The following DNM3 variants were observed in gnomAD, a reference collection of about 807,000 sequenced individuals.
DNM3 encodes dynamin 3, also known as dynamin-3.
A neutral mutation model predicts 101.6 loss-of-function variants in DNM3; 47 were observed. That is an observed-to-expected ratio of 0.46 (90% confidence interval 0.37 to 0.59). DNM3 has a LOEUF of 0.59. DNM3 is among the 20% of genes least tolerant of loss of function. DNM3 has a pLI of 0.00. For missense variants in DNM3, 849 were observed against 1,085.7 expected, an observed-to-expected ratio of 0.78 and a Z score of 3.06; for synonymous variants, 385 against 387.9, an observed-to-expected ratio of 0.99 and a Z score of 0.09.
intron 1 of DNM3, chr1:171,864,526 A>C (rs1424745452): frequency 6.6e-6 from 1 of 152,258 alleles, no homozygotes; most frequent in African/African-American, 2.4e-5. Flanking sequence ...CCAGTTGTCT[A>C]TAGAACAGAC....
intron 14 of DNM3, among the ~76,000 whole-genome samples, chr1:172,185,060 C>T (rs527331861): frequency 6.1e-4 from 93 of 152,156 alleles, no homozygotes; most frequent in African/African-American, 2.1e-3. Context: ...CACATAGGGG[C>T]AGCTCCTCTC....
At chr1:172,243,630 A>T (rs999755473) in intron 14 of DNM3, among the ~76,000 whole-genome samples, 1 of 152,178 alleles carries the variant, frequency 6.6e-6, no homozygotes, top group African/African-American at 2.4e-5. Context: ...CAGTGGTCTA[A>T]AGACCGTGGA....
intron 17 of DNM3, among the ~76,000 whole-genome samples, chr1:172,326,918 T>A (rs1174941233): frequency 6.6e-6 from 1 of 152,034 alleles, no homozygotes; most frequent in Non-Finnish European, 1.5e-5. Context: ...AAAAAAGAAA[T>A]TTATAATCAC....
intron 14 of DNM3, among the ~76,000 whole-genome samples, chr1:172,158,562 TG>T (rs2058430098): frequency 6.6e-6 from 1 of 151,604 alleles, no homozygotes; most frequent in Non-Finnish European, 1.5e-5. Context: ...GTGAGATGGA[TG>T]ATGGAGGCCT....
At chr1:172,194,497 G>T (rs1010891183) in intron 14 of DNM3, among the ~76,000 whole-genome samples, 1 of 152,086 alleles carries the variant, frequency 6.6e-6, no homozygotes, top group Non-Finnish European at 1.5e-5. Flanking sequence ...GGGAGTCTAA[G>T]TCTCTTTTTA....
In DNM3 at chr1:172,044,530, C is replaced by T. The variant is rs111742249; in HGVS notation, c.1196+78C>T. ...AATGTTTATAAATGGCTAGGAAACT[C>T]GTCTTTTCATCATTGAATAGGGTAG... is the stretch of plus-strand genomic sequence containing the variant. On this transcript the variant is annotated intron_variant, in intron 9 of 20. Transcript: ENST00000627582. 47 of 1,237,988 alleles carry T rather than the reference C, an allele frequency of 3.8e-5. 1 individual carries two copies. The African/African-American group carries it at 3.9e-4, about 10-fold the overall frequency. The allele number at this position is 1,237,988 out of a possible 1,614,324, so 76.7% of individuals were successfully genotyped here.
chr1:172,332,817 C>T (rs377398686), intron 17 of DNM3, among the ~76,000 whole-genome samples: 1 of 152,190 alleles, frequency 6.6e-6, no homozygotes, highest in East Asian at 1.9e-4. Context: ...ACAGGAAGTA[C>T]AATCCTGCTA....
At chr1:172,051,030 T>C (rs2050171125) in intron 10 of DNM3, among the ~76,000 whole-genome samples, 1 of 152,188 alleles carries the variant, frequency 6.6e-6, no homozygotes, top group Non-Finnish European at 1.5e-5. Flanking sequence ...TGGATTGGTC[T>C]TCTATACATT....
At chr1:171,887,562 A>G (rs1354145271) in intron 1 of DNM3, among the ~76,000 whole-genome samples, 1 of 152,166 alleles carries the variant, frequency 6.6e-6, no homozygotes, top group African/African-American at 2.4e-5. Context: ...AAATAACTCC[A>G]TTCTTTATAG....
intron 14 of DNM3, among the ~76,000 whole-genome samples, chr1:172,156,721 T>C (rs2058353570): frequency 6.6e-6 from 1 of 152,104 alleles, no homozygotes; most frequent in Admixed American, 6.6e-5. Context: ...AAACTAACTC[T>C]TTTCAGTAAT....
chr1:172,159,633 AG>A (rs1413705897), intron 14 of DNM3, among the ~76,000 whole-genome samples: 1 of 152,086 alleles, frequency 6.6e-6, no homozygotes, highest in Admixed American at 6.6e-5. Flanking sequence ...ATTTTGCAGC[AG>A]GAATTTGGCA....
chr1:171,890,057 A>G (rs2037132427), intron 1 of DNM3, among the ~76,000 whole-genome samples: 1 of 152,146 alleles, frequency 6.6e-6, no homozygotes, highest in Non-Finnish European at 1.5e-5. Flanking sequence ...ATAAGAGGAA[A>G]ATTCGAAGAG....
chr1:171,900,693 A>G (rs183270005), intron 1 of DNM3, among the ~76,000 whole-genome samples: 1 of 152,250 alleles, frequency 6.6e-6, no homozygotes, highest in Admixed American at 6.5e-5. Flanking sequence ...GAATGATAGC[A>G]GATCTAGGAC....
At chr1:172,005,512 C>T (rs114231112) in intron 4 of DNM3, among the ~76,000 whole-genome samples, 248 of 152,006 alleles carry the variant, frequency 1.6e-3, no homozygotes, top group Middle Eastern at 0.01. Flanking sequence ...CTAGGGCTGC[C>T]GACACTATCA....
At chr1:172,154,572 G>A (rs2058266129) in intron 14 of DNM3, among the ~76,000 whole-genome samples, 1 of 152,078 alleles carries the variant, frequency 6.6e-6, no homozygotes, top group Non-Finnish European at 1.5e-5. Context: ...GCAGGAAGAA[G>A]ATAAACAAGC....
intron 14 of DNM3, among the ~76,000 whole-genome samples, chr1:172,147,041 G>A (rs112141331): frequency 5.9e-4 from 89 of 152,070 alleles, no homozygotes; most frequent in Non-Finnish European, 7.8e-4. Context: ...GTTCCCCTTA[G>A]AATATATGTC....
At chr1:171,975,177 A>T (rs1324442843) in intron 2 of DNM3, among the ~76,000 whole-genome samples, 1 of 152,048 alleles carries the variant, frequency 6.6e-6, no homozygotes, top group Non-Finnish European at 1.5e-5. Flanking sequence ...TTTTTAAAAA[A>T]CTTTCAAGAA....
chr1:172,079,593 ATT>A (rs2052967065), intron 11 of DNM3, among the ~76,000 whole-genome samples: 1 of 151,854 alleles, frequency 6.6e-6, no homozygotes, highest in Non-Finnish European at 1.5e-5. Context: ...GGAGTTTGTT[ATT>A]ACCCACCTTG....
At chr1:172,081,988 A>G (rs988758957) in intron 12 of DNM3, 86 bp downstream of exon 12, 2 of 1,344,054 alleles carry the variant, frequency 1.5e-6, no homozygotes, top group African/African-American at 1.4e-5. Flanking sequence ...CAGTTTCACC[A>G]CCTTTGAGAA....
Sources: allele counts gnomAD v4.1 joint callset (sites outside exome capture counted in the v4.1 genomes callset), GRCh38; gene constraint gnomAD v4.1.1; transcripts MANE v1.5; gene names NCBI Gene and HGNC (gene_info 2026-07-23, HGNC 2026-07-21).